NUP50: variants seen among roughly 807,000 people sequenced by gnomAD.
The protein encoded by NUP50 is nuclear pore complex protein Nup50.
A neutral mutation model predicts 36.8 loss-of-function variants in NUP50; 14 were observed. That is an observed-to-expected ratio of 0.38 (90% CI 0.25 to 0.59). The LOEUF (loss-of-function observed/expected upper bound fraction) is 0.59. Among genes scored for constraint, NUP50 ranks in the 20% least tolerant of loss-of-function variants. The pLI is 0.63. For missense variants in NUP50, 455 were observed against 564.6 expected (o/e 0.81, Z 1.97); for synonymous variants, 195 against 210.8 (o/e 0.93, Z 0.65).
chr22:45,176,013 A>C lies in NUP50; in HGVS notation c.273A>C (p.Gly91=), dbSNP rs2074271131. ...AGCCTTTGGAAGGACTGTCGAATGG[A>C]AACAACATAACCAGTGCCCCTCCCT... ...GGKPLEGLSN[G]NNITSAPPFA... The change falls in exon 4 of 8, where the codon GGA becomes GGC. Residue 91 remains glycine (G), a synonymous_variant. Coordinates refer to ENST00000347635, the MANE Select transcript of NUP50 (RefSeq NM_007172.4). The C allele has an allele frequency of 6.2e-7, 1 of 1,614,068 alleles. No homozygotes were observed. Among genetic ancestry groups the C allele is most frequent in the Non-Finnish European group, 8.5e-7 (1 of 1,180,044 alleles).
Position 45,171,668 on chromosome 22 carries a change from A to G in NUP50, c.138A>G (p.Arg46=), listed in dbSNP as rs2074196834. The G allele has an allele frequency of 1.2e-6, 2 of 1,614,138 alleles. No homozygotes were observed. Among genetic ancestry groups the G allele is most frequent in the African/African-American group, 1.3e-5 (1 of 75,050 alleles). ...GAGCCATAAAGAAAGCAAAGCGCAGAAATGTTGGATTTGAAGTGAGTGCCC... is the reference window on the plus strand; with the variant it reads ...GAGCCATAAAGAAAGCAAAGCGCAGGAATGTTGGATTTGAAGTGAGTGCCC... ...KNRAIKKAKR[R]NVGFESDTGG... The change falls in exon 3 of 8, where the codon AGA becomes AGG. Residue 46 remains arginine (R), a synonymous_variant. Transcript: ENST00000347635.
At chr22:45,176,806 G>C (rs568331441) in intron 4 of NUP50, among the ~76,000 whole-genome samples, 1 of 152,052 alleles carries the variant, frequency 6.6e-6, no homozygotes, top group African/African-American at 2.4e-5. Context: ...GCAGTGGCGC[G>C]ACCTCTGCTC....
rs1337631091 is a variant in NUP50, at chr22:45,187,562, G to A, written c.*2907G>A. On this transcript the variant is annotated 3_prime_UTR_variant, in exon 8 of 8. Transcript: ENST00000347635. ...AAACAAGTTTGTTTTTTGAGCATTT[G>A]TCAGTTATTCTATTTCAGAAGAGTC... 1.3e-5 allele frequency: 2 copies of A among 152,168 alleles called. No homozygotes were observed. The highest frequency in any genetic ancestry group is 6.5e-5 in the Admixed American group (1 of 15,268). 9.4% of individuals were successfully genotyped at this position (152,168 alleles called of 1,614,324 possible).
chr22:45,175,273 G>T (rs768141044), intron 3 of NUP50, among the ~76,000 whole-genome samples: 6 of 152,114 alleles, frequency 3.9e-5, no homozygotes, highest in Non-Finnish European at 7.4e-5. Context: ...AAGGGAAAAG[G>T]CCTACTAGAA....
Position 45,185,033 on chromosome 22 carries a change from A to T in NUP50, c.*378A>T, listed in dbSNP as rs542761546. On this transcript the variant is annotated 3_prime_UTR_variant, in exon 8 of 8. Transcript: ENST00000347635. The stretch of plus-strand genomic sequence containing the variant: ...CCGCCACCACGAGAGAGGCTTTTGA[A>T]CAGGTGCCTGGCTGTGTTCAGAAGG... 53 of 285,144 alleles carry T rather than the reference A, an allele frequency of 1.9e-4. No individual in the cohort carries two copies. Among genetic ancestry groups the T allele is most frequent in the Admixed American group, 4.1e-4 (8 of 19,522 alleles). The allele number at this position is 285,144 out of a possible 1,614,324, so 17.7% of individuals were successfully genotyped here. A position where few individuals can be genotyped will look rare whatever the true frequency, so the allele number is the denominator to read the frequency against.
intron 7 of NUP50, 37 bp from the exon 8 acceptor site, chr22:45,184,416 T>G (rs2074434980): frequency 1.3e-6 from 2 of 1,578,916 alleles, no homozygotes; most frequent in Non-Finnish European, 1.7e-6. Context: ...AGCTATAGCT[T>G]CTATAATTTT....
rs143503455 is a variant in NUP50 at position 45,183,430 on chromosome 22, G to A, written c.1114G>A (p.Glu372Lys). The change falls in exon 7 of 8, where the codon GAG becomes AAG. Residue 372 changes from glutamate (E) to lysine (K), a missense_variant. Physicochemically the swap from Glu to Lys is moderately conservative, Grantham distance 56 (BLOSUM62 1). Transcript: ENST00000347635. Reference sequence around the variant, plus strand: ...TAAACTGTTTTACAAGAAAGACAATGAGTTTAAAGAGAAAGGCATAGGTAC... The same window carrying A: ...TAAACTGTTTTACAAGAAAGACAATAAGTTTAAAGAGAAAGGCATAGGTAC... ...KCKLFYKKDN[E>K]FKEKGIGTLH... The A allele has an allele frequency of 1.2e-4, 194 of 1,604,048 alleles. No homozygotes were observed. Among genetic ancestry groups the A allele is most frequent in the Non-Finnish European group, 1.4e-4 (165 of 1,172,540 alleles).
Position 45,186,443 on chromosome 22 carries a change from CA to C in NUP50, c.*1791del, listed in dbSNP as rs1447395646. 6.6e-6 allele frequency: 1 copy of C among 152,160 alleles called. No homozygotes were observed. Among genetic ancestry groups the C allele is most frequent in the Non-Finnish European group, 1.5e-5 (1 of 68,026 alleles). 9.4% of individuals were successfully genotyped at this position (152,160 alleles called of 1,614,324 possible). A position where few individuals can be genotyped will look rare whatever the true frequency, so the allele number is the denominator to read the frequency against. On this transcript the variant is annotated 3_prime_UTR_variant, in exon 8 of 8. Coordinates refer to ENST00000347635, the MANE Select transcript of NUP50 (RefSeq NM_007172.4). ...TAAAAAGATGAAGAACTAAGGGGAA[CA>C]AATTTAAGTTTGTTGCAACTTAGCC...
In NUP50 at chr22:45,186,248, C is replaced by T. The variant is rs939168438; in HGVS notation, c.*1593C>T. On this transcript the variant is annotated 3_prime_UTR_variant, in exon 8 of 8. Transcript: ENST00000347635. ...GAGCTTGTCCTGTTACAGATGCTGTCAGACATAGCGATAGTAGGCACCTAG... is the reference window on the plus strand; with the variant it reads ...GAGCTTGTCCTGTTACAGATGCTGTTAGACATAGCGATAGTAGGCACCTAG... 8 of 152,120 alleles carry T rather than the reference C, an allele frequency of 5.3e-5. No homozygotes were observed. The highest frequency in any genetic ancestry group is 4.6e-4 in the Admixed American group (7 of 15,272). The allele number at this position is 152,120 out of a possible 1,614,324, so 9.4% of individuals were successfully genotyped here.
intron 2 of NUP50, among the ~76,000 whole-genome samples, chr22:45,170,024 A>C (rs2074160619): frequency 6.6e-6 from 1 of 152,198 alleles, no homozygotes; most frequent in Non-Finnish European, 1.5e-5. Flanking sequence ...AAAGTCTTTG[A>C]TCTTTCTGAT....
At chr22:45,182,853 T>C (rs1449886277) in intron 6 of NUP50, among the ~76,000 whole-genome samples, 1 of 151,944 alleles carries the variant, frequency 6.6e-6, no homozygotes, top group Non-Finnish European at 1.5e-5. Context: ...CTCAATCTCC[T>C]GACCTCATGA....
chr22:45,173,089 C>G (rs1332799052), intron 3 of NUP50, among the ~76,000 whole-genome samples: 1 of 152,134 alleles, frequency 6.6e-6, no homozygotes, highest in Non-Finnish European at 1.5e-5. Flanking sequence ...TGTAAAAGCT[C>G]TTTCATGTAG....
At chr22:45,164,501 G>C (rs2074062424) in intron 1 of NUP50, 1 of 153,198 alleles carries the variant, frequency 6.5e-6, no homozygotes, top group African/African-American at 2.4e-5. Flanking sequence ...CGGGGGACCA[G>C]ACCCTGGGGA....
At chr22:45,169,563 T>A (rs2147669134) in intron 2 of NUP50, among the ~76,000 whole-genome samples, 1 of 152,308 alleles carries the variant, frequency 6.6e-6, no homozygotes, top group African/African-American at 2.4e-5. Context: ...ACATTACTAG[T>A]CATTAGCTTT....
At chr22:45,166,958 C>T (rs191377965) in intron 1 of NUP50, among the ~76,000 whole-genome samples, 41 of 152,110 alleles carry the variant, frequency 2.7e-4, no homozygotes, top group African/African-American at 8.9e-4. Context: ...GCTGACAGCC[C>T]GTATGTAATT....
intron 1 of NUP50, among the ~76,000 whole-genome samples, chr22:45,165,499 CTTAAGTTCTTCATAACAG>C (rs1027194481): frequency 6.6e-5 from 10 of 152,240 alleles, no homozygotes; most frequent in African/African-American, 2.4e-4. Flanking sequence ...TTCCGCCTCC[CTTAAGTTCTTCATAACAG>C]TAGCTAGACA....
intron 4 of NUP50, 31 bp downstream of exon 4, chr22:45,176,111 G>T (rs1569050131): frequency 6.2e-7 from 1 of 1,604,172 alleles, no homozygotes; most frequent in South Asian, 1.1e-5. Context: ...AGCCGCCTGT[G>T]TAAGTATCAT....
At chr22:45,170,913 G>C in intron 2 of NUP50, 1 of 1,180,000 alleles carries the variant, frequency 8.5e-7, no homozygotes, top group East Asian at 6.0e-5. Flanking sequence ...GTAGGAGCCC[G>C]TTAAGTTTAA....
chr22:45,181,332 C>T lies in NUP50; in HGVS notation c.1050C>T (p.Thr350=), dbSNP rs371164695. Residue 350 remains threonine, a synonymous_variant, in exon 6 of 8, where the codon ACC becomes ACT. Coordinates refer to ENST00000347635, the MANE Select transcript of NUP50 (RefSeq NM_007172.4). ...ATGAGCCACCCAAAGTAGTAGTTAC[C>T]GAAGTAAAAGAAGAAGATGCTTTTT... ...ENDEPPKVVV[T]EVKEEDAFYS... is the part of the protein sequence containing the mutation. 84 of 1,589,844 alleles carry T rather than the reference C, an allele frequency of 5.3e-5. No individual in the cohort carries two copies. Among genetic ancestry groups the T allele is most frequent in the African/African-American group, 6.9e-5 (5 of 72,792 alleles).
Sources: allele counts gnomAD v4.1 joint callset (sites outside exome capture counted in the v4.1 genomes callset), GRCh38; gene constraint gnomAD v4.1.1; transcripts MANE v1.5; gene names NCBI Gene and HGNC (gene_info 2026-07-23, HGNC 2026-07-21).